The following C12orf42 variants were observed in gnomAD, a reference collection of about 807,000 sequenced individuals.
The protein encoded by C12orf42 is uncharacterized protein C12orf42.
In C12orf42, 25 loss-of-function variants were observed where a neutral mutation model predicts 21.6. The ratio of observed to expected loss-of-function variants is 1.16; its 90% confidence interval spans 0.84 to 1.62. The LOEUF (loss-of-function observed/expected upper bound fraction) is 1.62. Ranked by LOEUF, C12orf42 falls within the 40% of genes most tolerant of loss-of-function variation. The probability of loss-of-function intolerance (pLI) is 0.00; values close to 1 mark genes in which losing one functional copy is unlikely to be tolerated. For missense variants in C12orf42, 483 were observed against 459.3 expected (o/e 1.05, Z -0.47); for synonymous variants, 174 against 175.0 (o/e 0.99, Z 0.05).
chr12:103,067,005 C>T, the C12orf42 span, among the ~76,000 whole-genome samples: 28 of 152,304 alleles, frequency 1.8e-4, no homozygotes, highest in East Asian at 3.9e-4. Flanking sequence ...CATGGACTTC[C>T]GCTCACTAAG....
the C12orf42 span, among the ~76,000 whole-genome samples, chr12:103,100,402 T>C: frequency 6.6e-6 from 1 of 152,208 alleles, no homozygotes; most frequent in Non-Finnish European, 1.5e-5. Context: ...CTTGTTGACA[T>C]TGAAAGAATT....
intron 2 of C12orf42, among the ~76,000 whole-genome samples, chr12:103,432,038 C>A (rs148688450): frequency 6.6e-6 from 1 of 152,170 alleles, no homozygotes; most frequent in East Asian, 1.9e-4. Context: ...GGGTATTATA[C>A]GTTGGCATGC....
At chr12:103,223,619 C>A in the C12orf42 span, among the ~76,000 whole-genome samples, 1 of 152,124 alleles carries the variant, frequency 6.6e-6, no homozygotes, top group East Asian at 1.9e-4. Context: ...GCAGTGTAAA[C>A]AAAAGCAGGG....
chr12:103,220,120 T>C, the C12orf42 span, among the ~76,000 whole-genome samples: 1 of 152,134 alleles, frequency 6.6e-6, no homozygotes, highest in Admixed American at 6.5e-5. Flanking sequence ...GGGACATGGA[T>C]GAAACTGGAA....
chr12:103,090,981 T>TAA, the C12orf42 span, among the ~76,000 whole-genome samples: 1,591 of 142,114 alleles, frequency 0.011, 10 homozygotes, highest in South Asian at 0.02. Flanking sequence ...CCTACAAGTG[T>TAA]AAAAAAAAAA....
the C12orf42 span, among the ~76,000 whole-genome samples, chr12:103,059,838 G>A: frequency 6.6e-6 from 1 of 152,024 alleles, no homozygotes; most frequent in Admixed American, 6.6e-5. Flanking sequence ...TCTCAAAATA[G>A]TAAGAACTAT....
chr12:103,478,519 C>A, intron 1 of C12orf42, 72 bp from the exon 2 acceptor site: 2 of 642,276 alleles, frequency 3.1e-6, no homozygotes, highest in Non-Finnish European at 5.0e-6. Flanking sequence ...AAAAAAATGA[C>A]ATCTTTAAGA....
intron 4 of C12orf42, among the ~76,000 whole-genome samples, chr12:103,322,112 T>TGC (rs749823979): frequency 1.1e-3 from 78 of 68,702 alleles, no homozygotes; most frequent in Middle Eastern, 9.4e-3. Context: ...CGCGCGTGCG[T>TGC]GCGCGCGCGC....
chr12:103,294,955 G>T lies in C12orf42; in HGVS notation n.338-17745C>A, dbSNP rs114806763. Among the ~76,000 whole-genome samples, 201 of 152,160 alleles carry T rather than the reference G, an allele frequency of 1.3e-3. 1 individual carries two copies. Among genetic ancestry groups the T allele is most frequent in the African/African-American group, 4.5e-3 (188 of 41,540 alleles). ...CCTCCAAAAGGCCCCAGTGTGTGTT[G>T]TTTCCCTTCATGTGTCCATGTGTTC... On this transcript the variant is annotated intron_variant and non_coding_transcript_variant, in intron 4 of 6. Coordinates refer to the C12orf42 transcript ENST00000546526.
intron 3 of C12orf42, among the ~76,000 whole-genome samples, chr12:103,393,125 A>T (rs201833290): frequency 9.8e-6 from 1 of 102,212 alleles, no homozygotes; most frequent in Non-Finnish European, 2.0e-5. Flanking sequence ...CCATTCTTGC[A>T]TTGCTATAAA....
chr12:103,511,945 T>C, the C12orf42 span, among the ~76,000 whole-genome samples: 1 of 152,186 alleles, frequency 6.6e-6, no homozygotes, highest in Non-Finnish European at 1.5e-5. Flanking sequence ...AGCTACACTT[T>C]AATTGACTAA....
At chr12:103,538,609 T>C in the C12orf42 span, among the ~76,000 whole-genome samples, 2 of 152,230 alleles carry the variant, frequency 1.3e-5, no homozygotes, top group East Asian at 1.9e-4. Flanking sequence ...CCTCCAGGCA[T>C]CTTCCTGTGA....
intron 4 of C12orf42, among the ~76,000 whole-genome samples, chr12:103,360,822 GC>G (rs755412210): frequency 1.3e-5 from 2 of 152,060 alleles, no homozygotes; most frequent in Non-Finnish European, 2.9e-5. Context: ...ATTTTATTGG[GC>G]CCTTTGGGGG....
chr12:103,392,653 C>A (rs2047173454), intron 3 of C12orf42, among the ~76,000 whole-genome samples: 1 of 152,294 alleles, frequency 6.6e-6, no homozygotes, highest in Non-Finnish European at 1.5e-5. Context: ...CATAGACACA[C>A]AACTGATTTC....
chr12:103,154,175 G>A, the C12orf42 span, among the ~76,000 whole-genome samples: 3 of 152,118 alleles, frequency 2.0e-5, no homozygotes, highest in African/African-American at 7.2e-5. Flanking sequence ...TCTTGTAGAA[G>A]GCAGGTGATT....
At chr12:103,169,792 G>C in the C12orf42 span, among the ~76,000 whole-genome samples, 19 of 119,964 alleles carry the variant, frequency 1.6e-4, no homozygotes, top group South Asian at 5.2e-3. Flanking sequence ...AAAAATGATA[G>C]AGCATGAATA....
intron 2 of C12orf42, among the ~76,000 whole-genome samples, chr12:103,432,271 C>A (rs921949244): frequency 6.6e-6 from 1 of 152,194 alleles, no homozygotes; most frequent in Non-Finnish European, 1.5e-5. Context: ...CCACAAGATG[C>A]TTATCATCAG....
intron 4 of C12orf42, among the ~76,000 whole-genome samples, chr12:103,278,320 C>T (rs548541640): frequency 6.6e-6 from 1 of 152,114 alleles, no homozygotes; most frequent in African/African-American, 2.4e-5. Context: ...TTTTCCTCCA[C>T]TGAACCAAAA....
At chr12:103,241,044 T>C (rs563491899) in intron 10 of C12orf42, among the ~76,000 whole-genome samples, 1 of 152,300 alleles carries the variant, frequency 6.6e-6, no homozygotes, top group South Asian at 2.1e-4. Flanking sequence ...ATTGCAAATG[T>C]CTAATTATAT....
Sources: gnomAD v4.1 joint callset for allele counts (sites outside exome capture counted in the v4.1 genomes callset) on GRCh38, gnomAD v4.1.1 for gene constraint, MANE v1.5 for transcripts, NCBI Gene and HGNC (gene_info 2026-07-23, HGNC 2026-07-21) for gene names.